Variants in ADGRB3 observed in about 807,000 individuals in gnomAD.
ADGRB3 encodes brain-specific angiogenesis inhibitor 3.
ADGRB3 carries 37 observed loss-of-function variants against 193.4 expected under a neutral mutation model. That is an observed-to-expected ratio of 0.19 (90% CI 0.15 to 0.25). ADGRB3 has a LOEUF of 0.25. ADGRB3 is among the 10% of genes least tolerant of loss of function. ADGRB3 has a pLI of 1.00. For missense variants in ADGRB3, 1,637 were observed against 1,852.9 expected, an observed-to-expected ratio of 0.88 and a Z score of 2.14; for synonymous variants, 690 against 644.2, an observed-to-expected ratio of 1.07 and a Z score of -1.08.
At chr6:68,854,965 C>G (rs1764938039) in intron 3 of ADGRB3, among the ~76,000 whole-genome samples, 1 of 152,138 alleles carries the variant, frequency 6.6e-6, no homozygotes, top group Non-Finnish European at 1.5e-5. Context: ...AAACCCATCC[C>G]TGCACCTGCT....
chr6:68,986,777 A>G (rs2150271550), intron 10 of ADGRB3, among the ~76,000 whole-genome samples: 1 of 152,304 alleles, frequency 6.6e-6, no homozygotes, highest in East Asian at 1.9e-4. Flanking sequence ...GGGCTGTAGG[A>G]GTTGATGCTG....
chr6:69,121,528 C>A (rs9354817), intron 17 of ADGRB3, among the ~76,000 whole-genome samples: 32 of 151,350 alleles, frequency 2.1e-4, no homozygotes, highest in African/African-American at 7.8e-4. Context: ...CTCTTCGGAG[C>A]TGTTGGGTAC....
At chr6:69,202,929 T>G (rs1400952668) in intron 17 of ADGRB3, among the ~76,000 whole-genome samples, 1 of 151,936 alleles carries the variant, frequency 6.6e-6, no homozygotes, top group East Asian at 1.9e-4. Flanking sequence ...AACGTTGGAG[T>G]TACATGACCT....
At chr6:69,096,651 CA>C (rs1314199242) in intron 17 of ADGRB3, among the ~76,000 whole-genome samples, 1 of 152,040 alleles carries the variant, frequency 6.6e-6, no homozygotes, top group Non-Finnish European at 1.5e-5. Flanking sequence ...TTTTTCTTAT[CA>C]AAATCTGTTT....
intron 17 of ADGRB3, among the ~76,000 whole-genome samples, chr6:69,102,106 A>G (rs1326562053): frequency 7.0e-6 from 1 of 142,362 alleles, no homozygotes; most frequent in Non-Finnish European, 1.5e-5. Flanking sequence ...TGAACCCGGG[A>G]GGCGGAGTTT....
intron 23 of ADGRB3, 64 bp downstream of exon 23, chr6:69,330,636 A>G: frequency 2.2e-6 from 3 of 1,374,112 alleles, no homozygotes; most frequent in Non-Finnish European, 3.0e-6. Flanking sequence ...CTTTCTTTCA[A>G]TTAGAGTGGC....
chr6:69,195,165 A>G (rs1171358555), intron 17 of ADGRB3, among the ~76,000 whole-genome samples: 2 of 152,076 alleles, frequency 1.3e-5, no homozygotes, highest in Admixed American at 6.6e-5. Flanking sequence ...GAATTCTTCC[A>G]ATATTCAGAG....
intron 21 of ADGRB3, among the ~76,000 whole-genome samples, chr6:69,326,670 G>A (rs1458101621): frequency 2.0e-5 from 3 of 152,022 alleles, no homozygotes; most frequent in Non-Finnish European, 4.4e-5. Flanking sequence ...AATCTAAATT[G>A]TATGAAATAA....
intron 17 of ADGRB3, among the ~76,000 whole-genome samples, chr6:69,202,297 G>A (rs2150358221): frequency 6.6e-6 from 1 of 152,180 alleles, no homozygotes; most frequent in Admixed American, 6.6e-5. Flanking sequence ...GTTATCTATG[G>A]TATCTAGGAA....
chr6:69,339,788 T>A (rs545936344), intron 26 of ADGRB3, among the ~76,000 whole-genome samples: 2 of 152,276 alleles, frequency 1.3e-5, no homozygotes, highest in East Asian at 1.9e-4. Flanking sequence ...ATGGAGTGAT[T>A]TGTATAAATA....
chr6:69,330,016 T>C (rs181046297), intron 22 of ADGRB3, among the ~76,000 whole-genome samples: 2 of 152,286 alleles, frequency 1.3e-5, no homozygotes, highest in Admixed American at 6.5e-5. Context: ...ATGTAGCTTA[T>C]CCATTCCCTG....
At chr6:68,894,869 T>G (rs772056160) in intron 3 of ADGRB3, among the ~76,000 whole-genome samples, 15 of 151,880 alleles carry the variant, frequency 9.9e-5, no homozygotes, top group Non-Finnish European at 1.8e-4. Context: ...AATGAGCTAT[T>G]TTTTTAAAAT....
chr6:68,914,171 C>G (rs1239907558), intron 3 of ADGRB3, among the ~76,000 whole-genome samples: 1 of 151,112 alleles, frequency 6.6e-6, no homozygotes, highest in Non-Finnish European at 1.5e-5. Flanking sequence ...GGCCAACATT[C>G]AGATTCAGGA....
At chr6:68,878,656 C>A (rs560975386) in intron 3 of ADGRB3, among the ~76,000 whole-genome samples, 2 of 152,262 alleles carry the variant, frequency 1.3e-5, no homozygotes, top group African/African-American at 4.8e-5. Context: ...TATGGGTACT[C>A]TGTGACCATT....
At chr6:69,348,359 A>C (rs969807397) in intron 26 of ADGRB3, among the ~76,000 whole-genome samples, 2 of 152,066 alleles carry the variant, frequency 1.3e-5, no homozygotes, top group East Asian at 3.9e-4. Flanking sequence ...CTAGTCAAGA[A>C]GAGTAGGCTG....
At chr6:69,094,690 G>T (rs1772819586) in intron 17 of ADGRB3, among the ~76,000 whole-genome samples, 1 of 151,994 alleles carries the variant, frequency 6.6e-6, no homozygotes, top group South Asian at 2.1e-4. Flanking sequence ...TATCTATATA[G>T]AAGATAATAT....
At chr6:69,130,771 T>C (rs188032779) in intron 17 of ADGRB3, among the ~76,000 whole-genome samples, 1 of 152,124 alleles carries the variant, frequency 6.6e-6, no homozygotes, top group Admixed American at 6.6e-5. Flanking sequence ...TATCTCAGCT[T>C]TTTTCTTGAA....
intron 3 of ADGRB3, among the ~76,000 whole-genome samples, chr6:68,872,120 A>C (rs939257086): frequency 6.6e-6 from 1 of 152,178 alleles, no homozygotes; most frequent in Non-Finnish European, 1.5e-5. Flanking sequence ...TGAGATTTGG[A>C]GAGCAGTTGG....
intron 17 of ADGRB3, among the ~76,000 whole-genome samples, chr6:69,087,209 T>G (rs2150316265): frequency 6.6e-6 from 1 of 152,300 alleles, no homozygotes; most frequent in African/African-American, 2.4e-5. Context: ...GAACTTCAAA[T>G]CTCAGGACCC....
Sources: gnomAD v4.1 joint callset for allele counts (sites outside exome capture counted in the v4.1 genomes callset) on GRCh38, gnomAD v4.1.1 for gene constraint, MANE v1.5 for transcripts, NCBI Gene and HGNC (gene_info 2026-07-23, HGNC 2026-07-21) for gene names.